ARRB1: variants seen among roughly 807,000 people sequenced by gnomAD.
ARRB1 encodes the protein beta-arrestin-1.
A neutral mutation model predicts 56.8 loss-of-function variants in ARRB1; 21 were observed. That is an observed-to-expected ratio of 0.37 (90% CI 0.26 to 0.53). ARRB1 has a LOEUF of 0.53. Among genes scored for constraint, ARRB1 ranks in the 20% least tolerant of loss-of-function variants. ARRB1 has a pLI of 0.88. For missense variants in ARRB1, 424 were observed against 553.7 expected (o/e 0.77, Z 2.35); for synonymous variants, 210 against 218.6 (o/e 0.96, Z 0.35).
At position 75,311,953 on chromosome 11, in the gene ARRB1, A is replaced by G. The variant is rs547280955; in HGVS notation, c.21-21914T>C. 56 of 1,064,360 alleles carry G rather than the reference A, an allele frequency of 5.3e-5. No individual in the cohort carries two copies. In the African/African-American group the frequency reaches 7.4e-4, roughly 14 times the overall value. The allele number at this position is 1,064,360 out of a possible 1,614,324, so 65.9% of individuals were successfully genotyped here. A position where few individuals can be genotyped will look rare whatever the true frequency, so the allele number is the denominator to read the frequency against. Reference sequence around the variant, plus strand: ...GCTGAGAGGGGACGGCCGGCAGAGGAACCAAGCAGCAGGGCCTGGGCCGAG... The same window carrying G: ...GCTGAGAGGGGACGGCCGGCAGAGGGACCAAGCAGCAGGGCCTGGGCCGAG... On this transcript the variant is annotated intron_variant, in intron 1 of 15. Transcript: ENST00000420843.
chr11:75,311,471 G>A (rs978653262), intron 1 of ARRB1, among the ~76,000 whole-genome samples: 11 of 152,226 alleles, frequency 7.2e-5, no homozygotes, highest in African/African-American at 2.7e-4. Flanking sequence ...TGGACTTGAA[G>A]CACAATGAAG....
chr11:75,266,693 C>T (rs1945924311), intron 15 of ARRB1, among the ~76,000 whole-genome samples: 1 of 152,166 alleles, frequency 6.6e-6, no homozygotes, highest in Non-Finnish European at 1.5e-5. Context: ...ATAGGCCCGG[C>T]AAACCCCACC....
At chr11:75,332,045 C>A (rs954326511) in intron 1 of ARRB1, among the ~76,000 whole-genome samples, 1 of 152,004 alleles carries the variant, frequency 6.6e-6, no homozygotes, top group Non-Finnish European at 1.5e-5. Flanking sequence ...TTTTGACCCC[C>A]GCCCCTACCC....
At chr11:75,291,552 G>A (rs1218470144) in intron 1 of ARRB1, among the ~76,000 whole-genome samples, 1 of 152,148 alleles carries the variant, frequency 6.6e-6, no homozygotes, top group Non-Finnish European at 1.5e-5. Flanking sequence ...GAACTCACTT[G>A]CCTTCCGTAT....
chr11:75,295,707 A>G (rs576837153), intron 1 of ARRB1, among the ~76,000 whole-genome samples: 2 of 152,348 alleles, frequency 1.3e-5, no homozygotes, highest in East Asian at 1.9e-4. Context: ...TTGGCCTGCC[A>G]TGCTCTCTTT....
intron 1 of ARRB1, among the ~76,000 whole-genome samples, chr11:75,323,166 G>C (rs1947375237): frequency 6.6e-6 from 1 of 152,236 alleles, no homozygotes; most frequent in South Asian, 2.1e-4. Context: ...GCAGCCATCA[G>C]AGAGACCCTA....
Position 75,271,692 on chromosome 11 carries a change from G to T in ARRB1, c.1022+9C>A. ...AGGTGGGTGAACCAGGTGGAAGGGA[G>T]GAATTTACCTGGATGCAAGATCTCC... On this transcript the variant is annotated intron_variant, in intron 13 of 15. Coordinates refer to ENST00000420843, the MANE Select transcript of ARRB1 (RefSeq NM_004041.5). The T allele has an allele frequency of 6.4e-7, 1 of 1,565,454 alleles. No individual in the cohort carries two copies. Among genetic ancestry groups the T allele is most frequent in the East Asian group, 2.4e-5 (1 of 42,138 alleles).
At position 75,266,155 on chromosome 11, in the gene ARRB1, C is replaced by G; in HGVS notation, c.*8G>C. The G allele has an allele frequency of 6.2e-7, 1 of 1,611,702 alleles. No homozygotes were observed. Among genetic ancestry groups the G allele is most frequent in the Non-Finnish European group, 8.5e-7 (1 of 1,177,802 alleles). On this transcript the variant is annotated 3_prime_UTR_variant, in exon 16 of 16. Coordinates refer to ENST00000420843, the MANE Select transcript of ARRB1 (RefSeq NM_004041.5). ...AGCCGGAGCCACGTGGAGGCAGGGC[C>G]GGCCCGTCTATCTGTTGTTGAGCTG...
intron 7 of ARRB1, among the ~76,000 whole-genome samples, chr11:75,279,694 G>A (rs1282538520): frequency 1.3e-5 from 2 of 152,146 alleles, no homozygotes; most frequent in Non-Finnish European, 2.9e-5. Context: ...TTGAGATGGA[G>A]TCTCACTCTG....
rs991568569 is a variant in ARRB1, at chr11:75,265,776, G to A, written c.*387C>T. 2.9e-5 allele frequency: 7 copies of A among 238,924 alleles called. No homozygotes were observed. Among genetic ancestry groups the A allele is most frequent in the African/African-American group, 1.1e-4 (5 of 44,262 alleles). 14.8% of individuals were successfully genotyped at this position (238,924 alleles called of 1,614,324 possible). On this transcript the variant is annotated 3_prime_UTR_variant, in exon 16 of 16. Coordinates refer to ENST00000420843, the MANE Select transcript of ARRB1 (RefSeq NM_004041.5). ...CCTGGGACCGTGGACATCTTCTCTC[G>A]TGTCTTGAGCCCTCATCCCCACCCC...
At chr11:75,268,510 CAAAAAA>C (rs61409833) in intron 14 of ARRB1, among the ~76,000 whole-genome samples, 13 of 61,426 alleles carry the variant, frequency 2.1e-4, no homozygotes, top group African/African-American at 4.8e-4. Context: ...GTCTCAAAAC[CAAAAAA>C]AAAAAAAAAA....
rs35951757 is a variant in ARRB1 at position 75,283,783 on chromosome 11, G to T, written c.158-300C>A. Among the ~76,000 whole-genome samples the T allele has an allele frequency of 5.7e-3, 868 of 152,284 alleles. 5 individuals carry two copies. The highest frequency in any genetic ancestry group is 8.2e-3 in the Non-Finnish European group (557 of 67,994). ...GAAACGGTCTGACAGGCTTGGCGGG[G>T]GCTGGAGTAGTCTGGCAGGCCTGGG... On this transcript the variant is annotated intron_variant, in intron 4 of 15. Transcript: ENST00000420843.
intron 1 of ARRB1, among the ~76,000 whole-genome samples, chr11:75,341,856 C>T (rs1244580737): frequency 1.3e-5 from 2 of 152,214 alleles, no homozygotes; most frequent in Non-Finnish European, 2.9e-5. Context: ...TCCCAACTGT[C>T]TTCCCTTCCC....
At chr11:75,287,792 T>C (rs766729332) in intron 2 of ARRB1, among the ~76,000 whole-genome samples, 5 of 152,214 alleles carry the variant, frequency 3.3e-5, no homozygotes, top group Non-Finnish European at 5.9e-5. Flanking sequence ...CCGCGCTGTG[T>C]TCTTCAGTTG....
In ARRB1 at chr11:75,262,367, T is replaced by G. The variant is rs530729145; in HGVS notation, c.*3796A>C. On this transcript the variant is annotated 3_prime_UTR_variant, in exon 16 of 16. Coordinates refer to ENST00000420843, the MANE Select transcript of ARRB1 (RefSeq NM_004041.5). ...TCCAGGTCTTCCCTCTGTGTCCTGGTTGCTGGGACCACTATTTTTGGGCAT... is the reference window on the plus strand; with the variant it reads ...TCCAGGTCTTCCCTCTGTGTCCTGGGTGCTGGGACCACTATTTTTGGGCAT... 6.6e-6 allele frequency: 1 copy of G among 152,378 alleles called. No individual in the cohort carries two copies. Among genetic ancestry groups the G allele is most frequent in the South Asian group, 2.1e-4 (1 of 4,826 alleles). 9.4% of individuals were successfully genotyped at this position (152,378 alleles called of 1,614,324 possible).
At chr11:75,335,630 G>C (rs1049463446) in intron 1 of ARRB1, among the ~76,000 whole-genome samples, 2 of 151,362 alleles carry the variant, frequency 1.3e-5, no homozygotes, top group Non-Finnish European at 2.9e-5. Context: ...TCTCGGACCT[G>C]CCTGCGGAGG....
chr11:75,287,829 G>A (rs1046193020), intron 2 of ARRB1, among the ~76,000 whole-genome samples: 1 of 152,208 alleles, frequency 6.6e-6, no homozygotes, highest in African/African-American at 2.4e-5. Flanking sequence ...GCCAGGCGGG[G>A]ATCCACTGAT....
intron 6 of ARRB1, 96 bp downstream of exon 6, chr11:75,281,865 TG>T: frequency 8.1e-7 from 1 of 1,237,632 alleles, no homozygotes; most frequent in Non-Finnish European, 1.2e-6. Flanking sequence ...ACAGGGAGAG[TG>T]GTCCTGTGTG....
At chr11:75,309,964 T>C (rs748830466) in intron 1 of ARRB1, among the ~76,000 whole-genome samples, 33 of 152,098 alleles carry the variant, frequency 2.2e-4, no homozygotes, top group Non-Finnish European at 4.3e-4. Flanking sequence ...AACAGTTCCC[T>C]TTTATGGCTT....
Sources: allele counts gnomAD v4.1 joint callset (sites outside exome capture counted in the v4.1 genomes callset), GRCh38; gene constraint gnomAD v4.1.1; transcripts MANE v1.5; gene names NCBI Gene and HGNC (gene_info 2026-07-23, HGNC 2026-07-21).